Variants in SNX8 observed in about 807,000 individuals in gnomAD.
SNX8 encodes sorting nexin-8.
A neutral mutation model predicts 51.6 loss-of-function variants in SNX8; 25 were observed. The ratio of observed to expected loss-of-function variants is 0.48; its 90% CI spans 0.35 to 0.68. The LOEUF is 0.68. Among genes scored for constraint, SNX8 ranks in the 30% least tolerant of loss-of-function variants. SNX8 has a pLI of 0.00. For synonymous variants in SNX8, 324 were observed against 277.0 expected (o/e 1.17, Z -1.68); for missense variants, 695 against 624.0 (o/e 1.11, Z -1.21).
At chr7:2,326,546 G>A (rs966839027) in intron 1 of SNX8, among the ~76,000 whole-genome samples, 2 of 150,670 alleles carry the variant, frequency 1.3e-5, no homozygotes, top group Non-Finnish European at 3.0e-5. Flanking sequence ...GGAGTCTGTA[G>A]TCCCAGCTAC....
intron 1 of SNX8, among the ~76,000 whole-genome samples, chr7:2,344,975 T>C (rs543952389): frequency 3.3e-5 from 5 of 152,144 alleles, no homozygotes; most frequent in African/African-American, 7.2e-5. Context: ...GCACAGCAGA[T>C]AGGAAGAAAC....
At chr7:2,325,286 A>G (rs1362116541) in intron 1 of SNX8, among the ~76,000 whole-genome samples, 1 of 152,196 alleles carries the variant, frequency 6.6e-6, no homozygotes, top group African/African-American at 2.4e-5. Context: ...GACTGTAGGC[A>G]TGCACCATCA....
chr7:2,323,565 A>G (rs1366858821), intron 1 of SNX8, among the ~76,000 whole-genome samples: 1 of 152,042 alleles, frequency 6.6e-6, no homozygotes, highest in Non-Finnish European at 1.5e-5. Context: ...CATTTCTGCC[A>G]TGTTAACAGA....
At chr7:2,343,460 G>C (rs1428826835) in intron 1 of SNX8, among the ~76,000 whole-genome samples, 1 of 151,974 alleles carries the variant, frequency 6.6e-6, no homozygotes, top group African/African-American at 2.4e-5. Flanking sequence ...CGGATCACGA[G>C]ATCAGGAGAT....
At chr7:2,345,728 T>C (rs975292358) in intron 1 of SNX8, among the ~76,000 whole-genome samples, 1 of 151,824 alleles carries the variant, frequency 6.6e-6, no homozygotes, top group African/African-American at 2.4e-5. Flanking sequence ...TGGATTTTAT[T>C]TGCGTCAACA....
At chr7:2,277,536 C>T (rs745547557) in intron 2 of SNX8, among the ~76,000 whole-genome samples, 1 of 152,134 alleles carries the variant, frequency 6.6e-6, no homozygotes, top group South Asian at 2.1e-4. Context: ...CGCGGTGGCT[C>T]ACGCCAGTAA....
intron 1 of SNX8, among the ~76,000 whole-genome samples, chr7:2,346,263 G>A (rs1178883205): frequency 2.2e-5 from 1 of 46,112 alleles, no homozygotes; most frequent in African/African-American, 9.4e-5. Flanking sequence ...CTCACATAGT[G>A]AGACCCTGGT....
intron 1 of SNX8, 109 bp downstream of exon 1, chr7:2,314,219 G>A (rs1352896461): frequency 2.7e-6 from 3 of 1,120,514 alleles, no homozygotes; most frequent in Admixed American, 4.5e-5. Flanking sequence ...CGGGGCGCGG[G>A]GGCAGGAAAC....
chr7:2,255,867 G>A (rs1458010436), intron 10 of SNX8, among the ~76,000 whole-genome samples: 1 of 152,138 alleles, frequency 6.6e-6, no homozygotes. Context: ...GTGAGGCAGG[G>A]GTCAGGCCAA....
At chr7:2,333,318 T>C (rs920826299) in intron 1 of SNX8, among the ~76,000 whole-genome samples, 1 of 152,160 alleles carries the variant, frequency 6.6e-6, no homozygotes, top group Admixed American at 6.6e-5. Context: ...ATCCCAACAT[T>C]GTGGGAGGCT....
At chr7:2,282,573 T>A (rs1795931742) in intron 1 of SNX8, among the ~76,000 whole-genome samples, 1 of 152,222 alleles carries the variant, frequency 6.6e-6, no homozygotes, top group South Asian at 2.1e-4. Flanking sequence ...TCCCGCCCAG[T>A]GTCTTTCACC....
chr7:2,256,795 C>T (rs1584661492), intron 10 of SNX8, 79 bp downstream of exon 10: 3 of 1,480,010 alleles, frequency 2.0e-6, no homozygotes, highest in East Asian at 2.3e-5. Flanking sequence ...CCGGCCACCG[C>T]GCTGCCGGGC....
chr7:2,316,740 T>C (rs990706584), upstream of SNX8, among the ~76,000 whole-genome samples: 1 of 151,832 alleles, frequency 6.6e-6, no homozygotes, highest in African/African-American at 2.4e-5. Context: ...CCTGCATTCA[T>C]TCATTCACCC....
At chr7:2,259,855 G>A (rs1449094747) in intron 7 of SNX8, among the ~76,000 whole-genome samples, 1 of 152,124 alleles carries the variant, frequency 6.6e-6, no homozygotes, top group Admixed American at 6.6e-5. Flanking sequence ...CCCATCTGTG[G>A]TTCAGTGCTG....
chr7:2,278,585 C>G (rs1017743113), intron 1 of SNX8, among the ~76,000 whole-genome samples: 8 of 152,190 alleles, frequency 5.3e-5, no homozygotes, highest in South Asian at 4.1e-4. Flanking sequence ...CAGCCAGCCA[C>G]ACTCACTCAC....
At chr7:2,303,918 C>T (rs529406362) in intron 1 of SNX8, among the ~76,000 whole-genome samples, 21 of 151,594 alleles carry the variant, frequency 1.4e-4, no homozygotes, top group African/African-American at 4.8e-4. Context: ...CTGCCAAATC[C>T]CCCTCTGCGA....
At chr7:2,315,707 CACT>C (rs1278416000), upstream of SNX8, among the ~76,000 whole-genome samples, 14 of 59,464 alleles carry the variant, frequency 2.4e-4, no homozygotes, top group Admixed American at 2.5e-3. Context: ...TTCATTCAGT[CACT>C]CACTCACTGC....
At chr7:2,353,899 T>G (rs1431722898) in intron 1 of SNX8, among the ~76,000 whole-genome samples, 2 of 152,300 alleles carry the variant, frequency 1.3e-5, no homozygotes, top group South Asian at 2.1e-4. Flanking sequence ...CGTGATCCAC[T>G]GGGTTGTTTT....
chr7:2,334,472 C>T (rs1316484262), intron 1 of SNX8, among the ~76,000 whole-genome samples: 2 of 151,016 alleles, frequency 1.3e-5, no homozygotes, highest in African/African-American at 4.9e-5. Context: ...CCAAGGCGGG[C>T]GGATCACTTG....
Sources: gnomAD v4.1 joint callset for allele counts (sites outside exome capture counted in the v4.1 genomes callset) on GRCh38, gnomAD v4.1.1 for gene constraint, MANE v1.5 for transcripts, NCBI Gene and HGNC (gene_info 2026-07-23, HGNC 2026-07-21) for gene names.